Variants in RHOBTB1 observed in about 807,000 individuals in gnomAD.
RHOBTB1 encodes Rho related BTB domain containing 1.
Under a neutral mutation model 71.6 loss-of-function variants are expected in RHOBTB1, and 40 were observed. That is an observed-to-expected ratio of 0.56 (90% confidence interval 0.43 to 0.73). The LOEUF is 0.73. Ranked by LOEUF, RHOBTB1 falls within the 30% of genes least tolerant of loss-of-function variation. RHOBTB1 has a pLI of 0.00. For synonymous variants in RHOBTB1, 319 were observed against 334.9 expected (o/e 0.95, Z 0.52); for missense variants, 797 against 894.0 (o/e 0.89, Z 1.38).
At chr10:60,938,094 T>C (rs2084693523) in intron 2 of RHOBTB1, among the ~76,000 whole-genome samples, 1 of 152,196 alleles carries the variant, frequency 6.6e-6, no homozygotes, top group Admixed American at 6.5e-5. Context: ...GAAGGGTTTA[T>C]GTAACAAAGA....
intron 7 of RHOBTB1, among the ~76,000 whole-genome samples, chr10:60,881,482 G>A (rs1045284493): frequency 6.6e-6 from 1 of 152,148 alleles, no homozygotes. Flanking sequence ...TCTCAGAGAT[G>A]GGGATGTCTG....
In RHOBTB1 at chr10:60,888,236, A is replaced by G. The variant is rs1422668131; in HGVS notation, c.1432T>C (p.Cys478Arg). ...CCCGAGAACGTTCCCTTGCTGAGAC[A>G]CTCTTTTATCCGATTGGCTTTCCTT... Reference protein sequence around the residue: ...HVRKANRIKECLSKGTFSDVT... With the variant: ...HVRKANRIKERLSKGTFSDVT... Residue 478 changes from cysteine (C) to arginine (R), a missense_variant, in exon 6 of 11, where the codon TGT becomes CGT. By Grantham distance (180) the Cys-to-Arg change is radical (BLOSUM62 -3). Around this residue, in one of 2 missense-constraint regions of RHOBTB1, gnomAD observed 658 missense variants for 681.5 expected, o/e 0.97. Coordinates refer to ENST00000337910, the MANE Select transcript of RHOBTB1 (RefSeq NM_014836.5). 1 of 1,613,130 alleles carries G rather than the reference A, an allele frequency of 6.2e-7. No individual in the cohort carries two copies. Among genetic ancestry groups the G allele is most frequent in the East Asian group, 2.2e-5 (1 of 44,836 alleles).
chr10:60,880,010 A>G (rs2081243095), intron 7 of RHOBTB1, among the ~76,000 whole-genome samples: 1 of 152,206 alleles, frequency 6.6e-6, no homozygotes, highest in Non-Finnish European at 1.5e-5. Flanking sequence ...GCATTGTATT[A>G]GGTACCAGAA....
chr10:60,966,884 G>A (rs1000243651), intron 2 of RHOBTB1, among the ~76,000 whole-genome samples: 2 of 148,324 alleles, frequency 1.3e-5, no homozygotes, highest in African/African-American at 5.0e-5. Context: ...TCCCCTTCCT[G>A]TGTCCAAGTG....
At chr10:60,876,953 G>A (rs760098499) in intron 8 of RHOBTB1, among the ~76,000 whole-genome samples, 10 of 152,082 alleles carry the variant, frequency 6.6e-5, no homozygotes, top group Non-Finnish European at 1.2e-4. Flanking sequence ...AATATTTATC[G>A]AAAGCTAATA....
chr10:60,873,244 C>A (rs1421283085), intron 9 of RHOBTB1, among the ~76,000 whole-genome samples: 10 of 152,206 alleles, frequency 6.6e-5, no homozygotes, highest in Non-Finnish European at 1.0e-4. Flanking sequence ...TGGGTTTGTT[C>A]CAGCTTGAGA....
chr10:60,949,325 T>C (rs1269696666), intron 2 of RHOBTB1, among the ~76,000 whole-genome samples: 2 of 152,210 alleles, frequency 1.3e-5, no homozygotes, highest in East Asian at 1.9e-4. Flanking sequence ...CTACCATCAC[T>C]AACCCTTTCT....
chr10:60,900,716 G>A (rs1490371550), intron 4 of RHOBTB1, among the ~76,000 whole-genome samples: 1 of 152,144 alleles, frequency 6.6e-6, no homozygotes, highest in Non-Finnish European at 1.5e-5. Context: ...TAAAACAGAT[G>A]AATTTAGGCT....
At chr10:60,944,672 T>TC (rs1273309047), upstream of RHOBTB1, among the ~76,000 whole-genome samples, 2 of 152,102 alleles carry the variant, frequency 1.3e-5, no homozygotes, top group East Asian at 3.9e-4. Flanking sequence ...ATGGCTTTCT[T>TC]CCCCCTAGGA....
chr10:60,912,193 ATGTGTGTGTG>A (rs199937590), intron 2 of RHOBTB1, among the ~76,000 whole-genome samples: 2,434 of 152,010 alleles, frequency 0.016, 29 homozygotes, highest in South Asian at 0.036. Flanking sequence ...ATAAATATAT[ATGTGTGTGTG>A]TATATATATG....
intron 4 of RHOBTB1, among the ~76,000 whole-genome samples, chr10:60,904,338 G>T (rs1284900061): frequency 1.3e-5 from 2 of 152,114 alleles, no homozygotes; most frequent in Non-Finnish European, 2.9e-5. Context: ...TTTGACATAC[G>T]TATTCCCCAT....
chr10:60,913,350 AACAGTCAGATACCTGTCCACCTG>A (rs1006373988), intron 2 of RHOBTB1, among the ~76,000 whole-genome samples: 1 of 152,204 alleles, frequency 6.6e-6, no homozygotes, highest in African/African-American at 2.4e-5. Flanking sequence ...AGAGGCTCAA[AACAGTCAGATACCTGTCCACCTG>A]ACACATACTT....
chr10:60,944,242 C>A (rs1400261287), upstream of RHOBTB1: 1 of 152,164 alleles, frequency 6.6e-6, no homozygotes, highest in African/African-American at 2.4e-5. Context: ...CGCCTGCCCC[C>A]ACCCCGCTCC....
chr10:60,861,970 G>A, the RHOBTB1 span, among the ~76,000 whole-genome samples: 1 of 152,084 alleles, frequency 6.6e-6, no homozygotes, highest in Non-Finnish European at 1.5e-5. Flanking sequence ...TTAGAATTTG[G>A]GCAGTTGGAG....
chr10:60,979,042 A>G (rs927366236), intron 2 of RHOBTB1, among the ~76,000 whole-genome samples: 4 of 152,194 alleles, frequency 2.6e-5, no homozygotes, highest in African/African-American at 9.6e-5. Flanking sequence ...GTCATAAATT[A>G]TATTTATGGC....
chr10:60,962,381 C>T (rs921221861), intron 2 of RHOBTB1, among the ~76,000 whole-genome samples: 1 of 152,074 alleles, frequency 6.6e-6, no homozygotes, highest in South Asian at 2.1e-4. Flanking sequence ...AGTGCGCAGA[C>T]ATGACAGGGG....
intron 2 of RHOBTB1, among the ~76,000 whole-genome samples, chr10:60,927,140 A>G (rs949468660): frequency 7.9e-5 from 12 of 152,236 alleles, no homozygotes; most frequent in Non-Finnish European, 2.9e-5. Context: ...ATAAAACAAA[A>G]TGCCTAGGAA....
At chr10:60,872,600 G>A (rs1034574429) in intron 9 of RHOBTB1, among the ~76,000 whole-genome samples, 1 of 115,810 alleles carries the variant, frequency 8.6e-6, no homozygotes, top group Non-Finnish European at 1.7e-5. Flanking sequence ...CTAAACAACC[G>A]TGGCCTCTGG....
At chr10:60,899,788 AAGAC>A (rs1210782116) in intron 4 of RHOBTB1, among the ~76,000 whole-genome samples, 3 of 152,230 alleles carry the variant, frequency 2.0e-5, no homozygotes, top group Admixed American at 6.5e-5. Context: ...CATTCTAGTG[AAGAC>A]AGACAATCAA....
Sources: gnomAD v4.1 joint callset for allele counts (sites outside exome capture counted in the v4.1 genomes callset) on GRCh38, gnomAD v4.1.1 for gene constraint, gnomAD v4.1.1 regional missense constraint, MANE v1.5 for transcripts, NCBI Gene and HGNC (gene_info 2026-07-23, HGNC 2026-07-21) for gene names.